Variants in DOCK3 observed in about 807,000 individuals in gnomAD.
The protein encoded by DOCK3 is dedicator of cytokinesis 3, also known as dedicator of cytokinesis protein 3.
A neutral mutation model predicts 265.6 loss-of-function variants in DOCK3; 60 were observed. The ratio of observed to expected loss-of-function variants is 0.23; its 90% CI spans 0.18 to 0.28. The LOEUF (loss-of-function observed/expected upper bound fraction) is 0.28, where lower values mean the gene tolerates loss of function less well. DOCK3 is among the 10% of genes least tolerant of loss of function. The pLI, the probability that DOCK3 is intolerant of heterozygous loss-of-function variation, is 1.00. For synonymous variants in DOCK3, 881 were observed against 938.0 expected, an observed-to-expected ratio of 0.94 and a Z score of 1.11; for missense variants, 1,981 against 2,594.3, an observed-to-expected ratio of 0.76 and a Z score of 5.14.
intron 12 of DOCK3, among the ~76,000 whole-genome samples, chr3:51,167,031 T>C (rs1016787298): frequency 6.6e-6 from 1 of 152,224 alleles, no homozygotes; most frequent in African/African-American, 2.4e-5. Context: ...AAAAAATCAC[T>C]GCTAAGACCC....
Position 51,310,247 on chromosome 3 carries a change from A to T in DOCK3, c.2938A>T (p.Ile980Phe), listed in dbSNP as rs777711882. 3 of 1,601,662 alleles carry T rather than the reference A, an allele frequency of 1.9e-6. No homozygotes were observed. The highest frequency in any genetic ancestry group is 2.6e-6 in the Non-Finnish European group (3 of 1,174,010). ...KDELKEFLLKIFCVFRNLMKM... is the reference protein window; with the variant it reads ...KDELKEFLLKFFCVFRNLMKM... ...CTGCTGTCAGGAATTTCTGCTGAAG[A>T]TTTTTTGCGTGTTCCGGAACCTGAT... The change falls in exon 28 of 53, where the codon ATT becomes TTT. Residue 980 changes from isoleucine to phenylalanine, a missense_variant. Coordinates refer to ENST00000266037, the MANE Select transcript of DOCK3 (RefSeq NM_004947.5).
chr3:51,379,718 C>A, intron 51 of DOCK3: 1 of 859,672 alleles, frequency 1.2e-6, no homozygotes, highest in African/African-American at 1.8e-5. Flanking sequence ...CAGGAAGGAT[C>A]CTGCTGGGCT....
At chr3:51,135,211 A>G in intron 9 of DOCK3, among the ~76,000 whole-genome samples, 1 of 152,192 alleles carries the variant, frequency 6.6e-6, no homozygotes, top group African/African-American at 2.4e-5. Context: ...TCTGGTTGAT[A>G]TAACCACATC....
intron 12 of DOCK3, among the ~76,000 whole-genome samples, chr3:51,202,049 C>A (rs994191655): frequency 6.6e-6 from 1 of 152,126 alleles, no homozygotes; most frequent in African/African-American, 2.4e-5. Context: ...TTATAGCATT[C>A]AATGCCCACA....
At chr3:51,248,796 T>C (rs1370271550) in intron 22 of DOCK3, among the ~76,000 whole-genome samples, 16 of 123,666 alleles carry the variant, frequency 1.3e-4, no homozygotes, top group Non-Finnish European at 1.7e-4. Flanking sequence ...AGGAGCGTCT[T>C]TGCCCGGCCG....
At chr3:50,810,440 A>G (rs187497009) in intron 2 of DOCK3, among the ~76,000 whole-genome samples, 82 of 152,126 alleles carry the variant, frequency 5.4e-4, no homozygotes, top group African/African-American at 1.6e-3. Context: ...AATCCCGGCT[A>G]CTTGGGAGGC....
intron 5 of DOCK3, among the ~76,000 whole-genome samples, chr3:51,057,034 A>G (rs1410267225): frequency 6.6e-6 from 1 of 152,212 alleles, no homozygotes; most frequent in Non-Finnish European, 1.5e-5. Context: ...AAGCATATGT[A>G]GTTTTAAAAT....
chr3:51,175,724 G>T (rs908715628), intron 12 of DOCK3, among the ~76,000 whole-genome samples: 4 of 152,198 alleles, frequency 2.6e-5, no homozygotes, highest in African/African-American at 9.7e-5. Flanking sequence ...GCTTCCAGGG[G>T]TATAGATGGG....
intron 9 of DOCK3, among the ~76,000 whole-genome samples, chr3:51,118,883 G>T (rs2083887571): frequency 6.6e-6 from 1 of 151,776 alleles, no homozygotes; most frequent in African/African-American, 2.4e-5. Flanking sequence ...ACATGAGATG[G>T]GTCTTCTGAA....
At chr3:50,908,066 A>G (rs920831340) in intron 4 of DOCK3, among the ~76,000 whole-genome samples, 4 of 151,812 alleles carry the variant, frequency 2.6e-5, no homozygotes, top group Non-Finnish European at 4.4e-5. Context: ...CAGCAGTGAT[A>G]TCCCTGTTAT....
chr3:50,815,391 C>T (rs1193956924), intron 2 of DOCK3, among the ~76,000 whole-genome samples: 1 of 152,090 alleles, frequency 6.6e-6, no homozygotes, highest in African/African-American at 2.4e-5. Flanking sequence ...ATATCAATTT[C>T]TCCCCAAATT....
intron 3 of DOCK3, among the ~76,000 whole-genome samples, chr3:50,858,878 CTCTG>C (rs2107480262): frequency 6.6e-6 from 1 of 152,026 alleles, no homozygotes; most frequent in African/African-American, 2.4e-5. Context: ...CTTTATTTTT[CTCTG>C]TCTTATTTTA....
intron 5 of DOCK3, among the ~76,000 whole-genome samples, chr3:50,948,195 T>C (rs1487090010): frequency 6.6e-6 from 1 of 151,060 alleles, no homozygotes; most frequent in Non-Finnish European, 1.5e-5. Flanking sequence ...TAGCTGGGAC[T>C]ACAGGCGACC....
chr3:51,017,927 CT>C (rs1315110926), intron 5 of DOCK3, among the ~76,000 whole-genome samples: 1 of 151,752 alleles, frequency 6.6e-6, no homozygotes, highest in Non-Finnish European at 1.5e-5. Flanking sequence ...GAGTTTTACT[CT>C]GTTGCCCAGG....
intron 3 of DOCK3, among the ~76,000 whole-genome samples, chr3:50,887,985 A>G (rs1179343439): frequency 3.3e-5 from 5 of 152,192 alleles, no homozygotes; most frequent in African/African-American, 1.2e-4. Context: ...CTCCTGTTCA[A>G]CATAGTGTTG....
intron 10 of DOCK3, among the ~76,000 whole-genome samples, chr3:51,156,755 G>C (rs560441159): frequency 9.2e-5 from 14 of 152,072 alleles, no homozygotes; most frequent in Non-Finnish European, 1.8e-4. Flanking sequence ...TATACTTAAG[G>C]CTTCTTTTAT....
intron 2 of DOCK3, among the ~76,000 whole-genome samples, chr3:50,779,151 A>G (rs953127054): frequency 5.3e-5 from 8 of 152,074 alleles, no homozygotes; most frequent in African/African-American, 1.7e-4. Context: ...TGTGCAATAA[A>G]TTATTGCTGA....
At chr3:50,989,035 G>A (rs1221211944) in intron 5 of DOCK3, among the ~76,000 whole-genome samples, 23 of 152,172 alleles carry the variant, frequency 1.5e-4, no homozygotes, top group Admixed American at 1.5e-3. Context: ...ACAAGCTGCA[G>A]TTGACCCAAG....
rs528919355 is a variant in DOCK3 at position 51,333,278 on chromosome 3, C to T, written c.3611+25C>T. 32 of 1,605,434 alleles carry T rather than the reference C, an allele frequency of 2.0e-5. No homozygotes were observed. In the South Asian group the frequency reaches 3.5e-4, roughly 18 times the overall value. ...GGTATCTTCTCAGCCACCCGCTCCC[C>T]TCTTCCCTTGTCAGGATACTCTCTC... On this transcript the variant is annotated intron_variant, in intron 35 of 52. Transcript: ENST00000266037.
Sources: allele counts gnomAD v4.1 joint callset (sites outside exome capture counted in the v4.1 genomes callset), GRCh38; gene constraint gnomAD v4.1.1; transcripts MANE v1.5; gene names NCBI Gene and HGNC (gene_info 2026-07-23, HGNC 2026-07-21).